Variants in CDC27 observed in about 807,000 individuals in gnomAD.
The protein encoded by CDC27 is cell division cycle 27.
A neutral mutation model predicts 109.7 loss-of-function variants in CDC27; 27 were observed. The observed-to-expected ratio is 0.25, with a 90% CI of 0.18 to 0.34. CDC27 has a LOEUF of 0.34. CDC27 is among the 10% of genes least tolerant of loss of function. The pLI is 1.00. For missense variants in CDC27, 579 were observed against 960.2 expected, an observed-to-expected ratio of 0.60 and a Z score of 5.25; for synonymous variants, 266 against 333.9, an observed-to-expected ratio of 0.80 and a Z score of 2.22.
Position 47,119,498 on chromosome 17 carries a change from T to C in CDC27, c.*1437A>G, listed in dbSNP as rs779896547. On this transcript the variant is annotated 3_prime_UTR_variant, in exon 19 of 19. Transcript: ENST00000066544. ...CAAATACAGGTAAGTTTGTCCTCCA[T>C]CAAATAATCCAGAATAATAACTGTA... 3 of 152,150 alleles carry C rather than the reference T, an allele frequency of 2.0e-5. No individual in the cohort carries two copies. The highest frequency in any genetic ancestry group is 4.4e-5 in the Non-Finnish European group (3 of 68,016). The allele number at this position is 152,150 out of a possible 1,614,324, so 9.4% of individuals were successfully genotyped here.
intron 4 of CDC27, chr17:47,162,169 C>T (rs1002778397): frequency 2.0e-5 from 3 of 152,182 alleles, no homozygotes; most frequent in African/African-American, 7.2e-5. Context: ...CTGACTCCTT[C>T]TTCTTCTCCT....
At chr17:47,127,973 C>T (rs901465605) in intron 16 of CDC27, among the ~76,000 whole-genome samples, 4 of 151,346 alleles carry the variant, frequency 2.6e-5, no homozygotes, top group Non-Finnish European at 2.9e-5. Context: ...TCCAAAGTGA[C>T]GGGATTATAG....
At chr17:47,172,913 C>A (rs1047761315) in intron 2 of CDC27, among the ~76,000 whole-genome samples, 2 of 152,188 alleles carry the variant, frequency 1.3e-5, no homozygotes, top group Non-Finnish European at 2.9e-5. Flanking sequence ...GCTGAAGGAT[C>A]TTCTAAGCCA....
intron 2 of CDC27, among the ~76,000 whole-genome samples, chr17:47,174,534 CATGA>C (rs1434833533): frequency 6.6e-6 from 1 of 152,146 alleles, no homozygotes; most frequent in Non-Finnish European, 1.5e-5. Flanking sequence ...ATTGCATAAT[CATGA>C]ATGAAGTTAG....
intron 4 of CDC27, among the ~76,000 whole-genome samples, chr17:47,158,587 GA>G (rs2063391728): frequency 6.6e-6 from 1 of 150,824 alleles, no homozygotes; most frequent in East Asian, 1.9e-4. Flanking sequence ...AGGGAGATGT[GA>G]AAAACATCCA....
At position 47,129,479 on chromosome 17, in the gene CDC27, G is replaced by A. The variant is rs752626597; in HGVS notation, c.2074C>T (p.Leu692=). The part of the protein sequence containing the change: ...LKKSEKALDT[L]NKAIVIDPKN... ...GGATCAATGACAATGGCTTTGTTTA[G>A]GGTATCCAAAGCCTTCTCTGATTTT... Residue 692 remains leucine (L), a synonymous_variant, in exon 16 of 19, where the codon CTA becomes TTA. Transcript: ENST00000066544. 6.2e-7 allele frequency: 1 copy of A among 1,606,160 alleles called. No homozygotes were observed. The highest frequency in any genetic ancestry group is 8.5e-7 in the Non-Finnish European group (1 of 1,173,284).
chr17:47,185,583 C>CA (rs1190143918), intron 1 of CDC27, among the ~76,000 whole-genome samples: 13 of 152,002 alleles, frequency 8.6e-5, no homozygotes, highest in Non-Finnish European at 2.9e-5. Context: ...TTGTTTTTGT[C>CA]AAAAAAGCTG....
chr17:47,121,569 A>C (rs1352619775), intron 18 of CDC27, among the ~76,000 whole-genome samples: 5 of 152,052 alleles, frequency 3.3e-5, no homozygotes, highest in African/African-American at 4.8e-5. Flanking sequence ...CAGCCTCCCA[A>C]GTAGCTGGGA....
chr17:47,184,072 T>G (rs543091750), intron 1 of CDC27, among the ~76,000 whole-genome samples: 41 of 152,274 alleles, frequency 2.7e-4, no homozygotes, highest in African/African-American at 9.4e-4. Context: ...AAGAAAATGG[T>G]GAGTAGAATG....
chr17:47,127,877 A>AT (rs556148824), intron 16 of CDC27, among the ~76,000 whole-genome samples: 174 of 150,504 alleles, frequency 1.2e-3, no homozygotes, highest in African/African-American at 3.9e-3. Context: ...TAATTTTTGT[A>AT]TTTTTTTTGG....
At position 47,154,691 on chromosome 17, in the gene CDC27, G is replaced by A. The variant is rs150116111; in HGVS notation, c.938C>T (p.Thr313Ile). ...AAATACCTTTTTTGAAGGGGCTCCG[G>A]TGGATGGCACATCAATTACAGGAGG... is the stretch of plus-strand genomic sequence containing the variant. ...NTPPVIDVPS[T>I]GAPSKKSVAR... Residue 313 changes from threonine to isoleucine, a missense_variant, in exon 8 of 19, where the codon ACC becomes ATC. Transcript: ENST00000066544. 5.0e-6 allele frequency: 8 copies of A among 1,591,016 alleles called. No individual in the cohort carries two copies. The highest frequency in any genetic ancestry group is 6.0e-6 in the Non-Finnish European group (7 of 1,161,676).
intron 4 of CDC27, chr17:47,159,146 T>C (rs1221235733): frequency 5.8e-6 from 2 of 345,100 alleles, no homozygotes; most frequent in Non-Finnish European, 5.2e-6. Context: ...TTGTTGTTGT[T>C]TTTTTTCCAG....
Position 47,132,347 on chromosome 17 carries a change from C to T in CDC27, c.1941G>A (p.Lys647=). 1.3e-6 allele frequency: 2 copies of T among 1,598,568 alleles called. No individual in the cohort carries two copies. Among genetic ancestry groups the T allele is most frequent in the Non-Finnish European group, 1.7e-6 (2 of 1,168,306 alleles). The change falls in exon 15 of 19, where the codon AAG becomes AAA. Residue 647 remains lysine, a synonymous_variant. Transcript: ENST00000066544. ...AWYGLGMIYY[K]QEKFSLAEMH... ...TTTCTGCAAGGCTGAATTTTTCTTG[C>T]TTGTAATAAATCATTCCTAAACCAT...
rs561513070 is a variant in CDC27 at position 47,119,170 on chromosome 17, C to T, written c.*1765G>A. 38 of 152,170 alleles carry T rather than the reference C, an allele frequency of 2.5e-4. No individual in the cohort carries two copies. The highest frequency in any genetic ancestry group is 1.9e-4 in the East Asian group (1 of 5,190). 9.4% of individuals were successfully genotyped at this position (152,170 alleles called of 1,614,324 possible). A position where few individuals can be genotyped will look rare whatever the true frequency, so the allele number is the denominator to read the frequency against. ...AACTAATGGATAATACAATAGCATA[C>T]GTGTTAGAATCCAAGTGCTAGCCTC... On this transcript the variant is annotated 3_prime_UTR_variant, in exon 19 of 19. Transcript: ENST00000066544.
rs554411835 is a variant in CDC27, at chr17:47,119,619, A to C, written c.*1316T>G. On this transcript the variant is annotated 3_prime_UTR_variant, in exon 19 of 19. Coordinates refer to ENST00000066544, the MANE Select transcript of CDC27 (RefSeq NM_001256.6). Reference sequence around the variant, plus strand: ...AAAATTTCTCTAAAAATTTCAATACATTACAGTAAAGGAGATAAACAATTT... The same window carrying C: ...AAAATTTCTCTAAAAATTTCAATACCTTACAGTAAAGGAGATAAACAATTT... 6.6e-6 allele frequency: 1 copy of C among 152,296 alleles called. No homozygotes were observed. The highest frequency in any genetic ancestry group is 1.9e-4 in the East Asian group (1 of 5,184). 9.4% of individuals were successfully genotyped at this position (152,296 alleles called of 1,614,324 possible). A position where few individuals can be genotyped will look rare whatever the true frequency, so the allele number is the denominator to read the frequency against.
chr17:47,134,785 CTTTTTTTT>C (rs376654308), intron 14 of CDC27, among the ~76,000 whole-genome samples: 11 of 125,010 alleles, frequency 8.8e-5, no homozygotes, highest in African/African-American at 2.7e-4. Context: ...TAATTGTTTT[CTTTTTTTT>C]TTTTTTTTTT....
chr17:47,185,686 G>C (rs895617751), intron 1 of CDC27, among the ~76,000 whole-genome samples: 1 of 152,126 alleles, frequency 6.6e-6, no homozygotes, highest in Non-Finnish European at 1.5e-5. Context: ...ACAAGCGTGA[G>C]CCACTGTGCC....
intron 9 of CDC27, among the ~76,000 whole-genome samples, chr17:47,146,229 G>T (rs967662404): frequency 6.6e-6 from 1 of 152,154 alleles, no homozygotes; most frequent in African/African-American, 2.4e-5. Context: ...CACTTTCCTG[G>T]ACTCTGTGAG....
chr17:47,157,043 C>A lies in CDC27; in HGVS notation c.712G>T (p.Ala238Ser). The change falls in exon 7 of 19, where the codon GCT becomes TCT. Residue 238 changes from alanine to serine, a missense_variant. Transcript: ENST00000066544. ...TDSSVSYIDS[A>S]VISPDTVPLG... is the part of the protein sequence containing the mutation. ...GGGACAGTATCAGGTGAAATTACAG[C>A]TGAATCAATATAAGACACTGAGGAA... The A allele has an allele frequency of 6.3e-7, 1 of 1,589,166 alleles. No homozygotes were observed. The highest frequency in any genetic ancestry group is 1.3e-5 in the African/African-American group (1 of 74,440).
Sources: gnomAD v4.1 joint callset for allele counts (sites outside exome capture counted in the v4.1 genomes callset) on GRCh38, gnomAD v4.1.1 for gene constraint, MANE v1.5 for transcripts, NCBI Gene and HGNC (gene_info 2026-07-23, HGNC 2026-07-21) for gene names.